MDM2: variants seen among roughly 807,000 people sequenced by gnomAD.
MDM2 encodes MDM2 proto-oncogene, also known as E3 ubiquitin-protein ligase Mdm2.
In MDM2, 11 loss-of-function variants were observed where a neutral mutation model predicts 64.3. The ratio of observed to expected loss-of-function variants is 0.17; its 90% CI spans 0.11 to 0.28. MDM2 has a LOEUF of 0.28. MDM2 is among the 10% of genes least tolerant of loss of function. The probability of loss-of-function intolerance (pLI) is 1.00; values close to 1 mark genes in which losing one functional copy is unlikely to be tolerated. For synonymous variants in MDM2, 194 were observed against 192.9 expected (o/e 1.01, Z -0.05); for missense variants, 388 against 577.1 (o/e 0.67, Z 3.36).
chr12:68,832,052 G>A (rs1490515350), intron 8 of MDM2, among the ~76,000 whole-genome samples: 1 of 152,074 alleles, frequency 6.6e-6, no homozygotes, highest in Non-Finnish European at 1.5e-5. Flanking sequence ...CCTGGGCAAC[G>A]AGAACGAAAT....
intron 3 of MDM2, 121 bp from the exon 4 acceptor site, chr12:68,816,691 C>T: frequency 1.1e-6 from 1 of 873,988 alleles, no homozygotes. Flanking sequence ...GGTTGTTCTA[C>T]ATAGTTGTGG....
At chr12:68,826,135 C>CT (rs1882299059) in intron 7 of MDM2, among the ~76,000 whole-genome samples, 1 of 151,920 alleles carries the variant, frequency 6.6e-6, no homozygotes, top group Non-Finnish European at 1.5e-5. Flanking sequence ...ATACGAATGA[C>CT]TAATAAATAT....
intron 5 of MDM2, among the ~76,000 whole-genome samples, chr12:68,823,233 T>A (rs1882015337): frequency 6.8e-6 from 1 of 146,318 alleles, no homozygotes; most frequent in Middle Eastern, 3.3e-3. Flanking sequence ...GAGTTCACTG[T>A]TAAGATGAAA....
intron 7 of MDM2, 43 bp downstream of exon 7, chr12:68,824,694 A>T: frequency 7.9e-7 from 1 of 1,264,064 alleles, no homozygotes; most frequent in Non-Finnish European, 1.1e-6. Context: ...CAGCTTTTTG[A>T]TATTCTTTCT....
rs1882448976 is a variant in MDM2 at position 68,827,611 on chromosome 12, TCTC to T, written c.524-1158_524-1156del. Among the ~76,000 whole-genome samples the T allele has an allele frequency of 2.0e-5, 3 of 152,200 alleles. No individual in the cohort carries two copies. The South Asian group carries it at 6.2e-4, about 31-fold the overall frequency. The stretch of plus-strand genomic sequence containing the variant: ...GGACTTTGCAGTATTATGAAATACT[TCTC>T]CACCCCAGCATTATAAGAATATTTT... On this transcript the variant is annotated intron_variant, in intron 7 of 10. Transcript: ENST00000258149.
chr12:68,811,535 T>G (rs1304312082), intron 2 of MDM2, among the ~76,000 whole-genome samples: 1 of 152,134 alleles, frequency 6.6e-6, no homozygotes, highest in Non-Finnish European at 1.5e-5. Context: ...TATTATCTTT[T>G]ATAGCTGTTT....
chr12:68,842,794 CTTTTA>C lies in MDM2; in HGVS notation c.*2950_*2954del, dbSNP rs1592607132. 1 of 193,994 alleles carries C rather than the reference CTTTTA, an allele frequency of 5.2e-6. No homozygotes were observed. Among genetic ancestry groups the C allele is most frequent in the East Asian group, 8.2e-5 (1 of 12,130 alleles). 12.0% of individuals were successfully genotyped at this position (193,994 alleles called of 1,614,324 possible). On this transcript the variant is annotated 3_prime_UTR_variant, in exon 11 of 11. Coordinates refer to ENST00000258149, the MANE Select transcript of MDM2 (RefSeq NM_002392.6). ...TGTATGAAAATAGCTCAAATAATAT[CTTTTA>C]TTTTGATTTTAATATTTCTTATTTT...
intron 4 of MDM2, among the ~76,000 whole-genome samples, chr12:68,818,555 A>G (rs1565735684): frequency 6.7e-6 from 1 of 148,198 alleles, no homozygotes; most frequent in Non-Finnish European, 1.5e-5. Flanking sequence ...ATTATATATT[A>G]TAATATACAT....
Position 68,835,779 on chromosome 12 carries a change from G to C in MDM2, c.685-50G>C, listed in dbSNP as rs1883257730. 8 of 1,542,064 alleles carry C rather than the reference G, an allele frequency of 5.2e-6. No homozygotes were observed. In the East Asian group the frequency reaches 1.8e-4, roughly 36 times the overall value. On this transcript the variant is annotated intron_variant, in intron 8 of 10. Transcript: ENST00000258149. ...AGGGATGAGTTAGGAAACAGATACA[G>C]AGGTCAAGAGGTGATGTTTATTAAG...
chr12:68,828,624 CT>C, intron 7 of MDM2, 146 bp from the exon 8 acceptor site: 1 of 622,808 alleles, frequency 1.6e-6, no homozygotes, highest in South Asian at 2.0e-5. Context: ...TAGTGTTCTG[CT>C]GTAACAGTTG....
chr12:68,815,457 T>TTTG (rs1437670839), intron 3 of MDM2, among the ~76,000 whole-genome samples: 1 of 147,694 alleles, frequency 6.8e-6, no homozygotes, highest in African/African-American at 2.5e-5. Context: ...TTTTTTTTTT[T>TTTG]ATGTGACAGT....
chr12:68,824,509 G>A lies in MDM2; in HGVS notation c.427-46G>A, dbSNP rs372063714. On this transcript the variant is annotated intron_variant, in intron 6 of 10. Coordinates refer to ENST00000258149, the MANE Select transcript of MDM2 (RefSeq NM_002392.6). ...GTTATTTACAACAAGTTAGCTTACT[G>A]GTTATGTTAAGTTTGTTGTATTTTA... The A allele has an allele frequency of 8.2e-6, 13 of 1,588,798 alleles. No individual in the cohort carries two copies. In the South Asian group the frequency reaches 8.9e-5, roughly 11 times the overall value.
chr12:68,826,542 G>A (rs1164977388), intron 7 of MDM2, among the ~76,000 whole-genome samples: 3 of 151,334 alleles, frequency 2.0e-5, no homozygotes, highest in Non-Finnish European at 2.9e-5. Context: ...CCAGCTACTT[G>A]GGAGGCTGAG....
Position 68,840,588 on chromosome 12 carries a change from C to G in MDM2, c.*739C>G, listed in dbSNP as rs886116234. 5.3e-6 allele frequency: 1 copy of G among 187,674 alleles called. No homozygotes were observed. The highest frequency in any genetic ancestry group is 1.1e-5 in the Non-Finnish European group (1 of 89,198). 11.6% of individuals were successfully genotyped at this position (187,674 alleles called of 1,614,324 possible). A position where few individuals can be genotyped will look rare whatever the true frequency, so the allele number is the denominator to read the frequency against. ...GAGTGCAGTGTCATGATCTAGCAGT[C>G]TCCGCTTCCCGGGTTCAAGCCATTC... On this transcript the variant is annotated 3_prime_UTR_variant, in exon 11 of 11. Transcript: ENST00000258149.
chr12:68,812,679 G>T (rs948958874), intron 2 of MDM2, among the ~76,000 whole-genome samples: 1 of 152,128 alleles, frequency 6.6e-6, no homozygotes, highest in Non-Finnish European at 1.5e-5. Flanking sequence ...TGAACACCTA[G>T]CCTCAAGCAA....
Position 68,832,679 on chromosome 12 carries a change from ATTTTTTTTAC to A in MDM2, c.685-3141_685-3132del, listed in dbSNP as rs1882892351. On this transcript the variant is annotated intron_variant, in intron 8 of 10. Transcript: ENST00000258149. ...AGGTGTGCACCACCACACCTGGCTA[ATTTTTTTTAC>A]TTTTTTTTTTTCAGAGATGAGATCT... Among the ~76,000 whole-genome samples the A allele has an allele frequency of 3.7e-5, 5 of 136,424 alleles. No individual in the cohort carries two copies. The South Asian group carries it at 6.9e-4, about 19-fold the overall frequency. The allele number at this position is 136,424 out of a possible 152,430, so 89.5% of individuals were successfully genotyped here.
At position 68,839,944 on chromosome 12, in the gene MDM2, A is replaced by G. The variant is rs1565748394; in HGVS notation, c.*95A>G. On this transcript the variant is annotated 3_prime_UTR_variant, in exon 11 of 11. Transcript: ENST00000258149. ...TATTCACATATATCAAAGTGAGAAA[A>G]TGCCTCAATTCACATAGATTTCTTC... The G allele has an allele frequency of 2.6e-6, 3 of 1,134,596 alleles. No homozygotes were observed. Among genetic ancestry groups the G allele is most frequent in the Non-Finnish European group, 3.7e-6 (3 of 810,140 alleles). 70.3% of individuals were successfully genotyped at this position (1,134,596 alleles called of 1,614,324 possible). A position where few individuals can be genotyped will look rare whatever the true frequency, so the allele number is the denominator to read the frequency against.
downstream of MDM2, chr12:68,847,520 C>T (rs1488327425): frequency 7.2e-5 from 9 of 125,766 alleles, no homozygotes; most frequent in Admixed American, 8.4e-4. Context: ...GTGGCGCAAT[C>T]TCGGCTCACT....
rs892607858 is a variant in MDM2, at chr12:68,817,085, G to T, written c.308+140G>T. The T allele has an allele frequency of 4.2e-6, 4 of 945,926 alleles. No homozygotes were observed. In the Admixed American group the frequency reaches 1.5e-4, roughly 35 times the overall value. The allele number at this position is 945,926 out of a possible 1,614,324, so 58.6% of individuals were successfully genotyped here. A position where few individuals can be genotyped will look rare whatever the true frequency, so the allele number is the denominator to read the frequency against. On this transcript the variant is annotated intron_variant, in intron 4 of 10. Coordinates refer to ENST00000258149, the MANE Select transcript of MDM2 (RefSeq NM_002392.6). ...TGAAACTTAATTTTTTAGCTCTGCG[G>T]CATATTATTTGAGAACCTGAGCTCT...
Sources: gnomAD v4.1 joint callset for allele counts (sites outside exome capture counted in the v4.1 genomes callset) on GRCh38, gnomAD v4.1.1 for gene constraint, MANE v1.5 for transcripts, NCBI Gene and HGNC (gene_info 2026-07-23, HGNC 2026-07-21) for gene names.